TPST2: variants seen among roughly 807,000 people sequenced by gnomAD.
The protein encoded by TPST2 is tyrosylprotein sulfotransferase 2.
Under a neutral mutation model 27.8 loss-of-function variants are expected in TPST2, and 16 were observed. That is an observed-to-expected ratio of 0.58 (90% confidence interval 0.39 to 0.88). TPST2 has a LOEUF of 0.88. Ranked by LOEUF, TPST2 falls within the 40% of genes least tolerant of loss-of-function variation. The pLI is 0.00. For missense variants in TPST2, 464 were observed against 543.1 expected (o/e 0.85, Z 1.45); for synonymous variants, 229 against 231.7 (o/e 0.99, Z 0.10).
Position 26,577,390 on chromosome 22 carries a change from G to T in TPST2, c.-161+12663C>A, listed in dbSNP as rs548121273. Among the ~76,000 whole-genome samples the T allele has an allele frequency of 2.0e-4, 30 of 151,702 alleles. No homozygotes were observed. The South Asian group carries it at 5.6e-3, about 28-fold the overall frequency. ...GACAAGGTCTCGCTCTGTCGCCCAG[G>T]CTGAAGTGTAGTGGCACTATCTTGG... On this transcript the variant is annotated intron_variant, in intron 1 of 6. Transcript: ENST00000338754.
chr22:26,583,685 C>G (rs905927085), intron 1 of TPST2, among the ~76,000 whole-genome samples: 1 of 151,876 alleles, frequency 6.6e-6, no homozygotes, highest in Admixed American at 6.6e-5. Flanking sequence ...ACTAAAAATA[C>G]AAAAATTAGC....
Position 26,528,272 on chromosome 22 carries a change from G to A in TPST2, c.1093-10C>T, listed in dbSNP as rs1363334628. ...TGCTGTTCTGGTTCACCTGGAGAAA[G>A]ACAATACACAGAAGAAGGGGTCACG... On this transcript the variant is annotated splice_polypyrimidine_tract_variant and intron_variant, in intron 5 of 6. Coordinates refer to ENST00000338754, the MANE Select transcript of TPST2 (RefSeq NM_003595.5). 6.4e-6 allele frequency: 10 copies of A among 1,560,436 alleles called. No individual in the cohort carries two copies. Among genetic ancestry groups the A allele is most frequent in the Middle Eastern group, 3.3e-4 (2 of 6,030 alleles).
intron 2 of TPST2, among the ~76,000 whole-genome samples, chr22:26,543,736 G>C (rs1925979146): frequency 6.6e-6 from 1 of 152,238 alleles, no homozygotes; most frequent in Admixed American, 6.5e-5. Flanking sequence ...GGCCAGGGCA[G>C]GAATCCTGGA....
Position 26,541,798 on chromosome 22 carries a change from G to T in TPST2, c.-88-80C>A. On this transcript the variant is annotated intron_variant, in intron 2 of 6. Coordinates refer to ENST00000338754, the MANE Select transcript of TPST2 (RefSeq NM_003595.5). This position sits in a 1 kb window ranked among gnomAD's most constrained non-coding sequence, Gnocchi z 5.9. ...CCAATAACTGCAAAGCCCTATAACT[G>T]CAAACAAGAGGCTGCTGACATGAAT... 7.7e-7 allele frequency: 1 copy of T among 1,295,154 alleles called. No homozygotes were observed. The highest frequency in any genetic ancestry group is 1.0e-6 in the Non-Finnish European group (1 of 981,208). The allele number at this position is 1,295,154 out of a possible 1,614,324, so 80.2% of individuals were successfully genotyped here. A position where few individuals can be genotyped will look rare whatever the true frequency, so the allele number is the denominator to read the frequency against.
At chr22:26,577,622 T>A (rs1927906796) in intron 1 of TPST2, among the ~76,000 whole-genome samples, 1 of 150,966 alleles carries the variant, frequency 6.6e-6, no homozygotes, top group Non-Finnish European at 1.5e-5. Context: ...GTGCTGGGAT[T>A]ACAGGTGTGA....
At chr22:26,584,000 G>A (rs191722633) in intron 1 of TPST2, among the ~76,000 whole-genome samples, 1 of 152,374 alleles carries the variant, frequency 6.6e-6, no homozygotes, top group East Asian at 1.9e-4. Context: ...CTAAGGGGCA[G>A]CTTCAGGCCA....
chr22:26,556,712 C>T (rs1353157479), intron 1 of TPST2, among the ~76,000 whole-genome samples: 1 of 152,180 alleles, frequency 6.6e-6, no homozygotes, highest in Non-Finnish European at 1.5e-5. Context: ...AATTAAGAAT[C>T]GCTGCCAGCA....
intron 1 of TPST2, among the ~76,000 whole-genome samples, chr22:26,550,048 A>AAC (rs1555930619): frequency 1.3e-4 from 17 of 126,164 alleles, no homozygotes; most frequent in Non-Finnish European, 2.2e-4. Context: ...TCAAAAAAAA[A>AAC]AACAAAAAAA....
At chr22:26,532,823 TC>T (rs1925244240) in intron 4 of TPST2, 78 bp from the exon 5 acceptor site, 1 of 1,397,958 alleles carries the variant, frequency 7.2e-7, no homozygotes, top group East Asian at 2.3e-5. Flanking sequence ...ACACATCCAG[TC>T]ATCCACCCAT....
At position 26,542,145 on chromosome 22, in the gene TPST2, G is replaced by C. The variant is rs981934183; in HGVS notation, c.-88-427C>G. Among the ~76,000 whole-genome samples the C allele has an allele frequency of 2.0e-5, 3 of 151,990 alleles. No individual in the cohort carries two copies. In the East Asian group the frequency reaches 5.8e-4, roughly 29 times the overall value. Reference sequence around the variant, plus strand: ...TAGTCCCAGCTACTCGGGAGGCTGCGGCAGGAGAATGGCGTGAACCTGGGA... The same window carrying C: ...TAGTCCCAGCTACTCGGGAGGCTGCCGCAGGAGAATGGCGTGAACCTGGGA... On this transcript the variant is annotated intron_variant, in intron 2 of 6. Coordinates refer to ENST00000338754, the MANE Select transcript of TPST2 (RefSeq NM_003595.5).
chr22:26,529,001 C>CAAAA lies in TPST2; in HGVS notation c.1093-743_1093-740dup, dbSNP rs148806627. On this transcript the variant is annotated intron_variant, in intron 5 of 6. Transcript: ENST00000338754. ...GGTATCAAAAAAACAAAAACAAAAA[C>CAAAA]AAAAAAAAAACAAAACGTATCTTTT... 2.8e-3 allele frequency among the ~76,000 whole-genome samples: 406 copies of CAAAA among 147,218 alleles called. 2 individuals carry two copies. The highest frequency in any genetic ancestry group is 4.8e-3 in the Non-Finnish European group (321 of 66,458).
chr22:26,564,089 C>T (rs1927261096), intron 1 of TPST2, among the ~76,000 whole-genome samples: 1 of 152,186 alleles, frequency 6.6e-6, no homozygotes, highest in East Asian at 1.9e-4. Context: ...TTTTGCCAAG[C>T]TGACGATTCC....
At chr22:26,579,932 A>T (rs1431993098) in intron 1 of TPST2, among the ~76,000 whole-genome samples, 1 of 151,934 alleles carries the variant, frequency 6.6e-6, no homozygotes, top group Non-Finnish European at 1.5e-5. Flanking sequence ...AGGGAGAGAG[A>T]GGCAGGGAGA....
intron 3 of TPST2, among the ~76,000 whole-genome samples, chr22:26,538,540 G>A (rs1257604497): frequency 6.6e-6 from 1 of 152,268 alleles, no homozygotes; most frequent in Non-Finnish European, 1.5e-5. Context: ...TGATGCTGCA[G>A]GTCAGGCGCG....
intron 3 of TPST2, 26 bp downstream of exon 3, chr22:26,540,763 G>A (rs772130295): frequency 5.8e-6 from 9 of 1,542,774 alleles, no homozygotes; most frequent in Non-Finnish European, 7.0e-6. Flanking sequence ...CAGAGTCTGA[G>A]TGGAAGCATC....
At chr22:26,553,653 T>C (rs1555931715) in intron 1 of TPST2, among the ~76,000 whole-genome samples, 1 of 151,866 alleles carries the variant, frequency 6.6e-6, no homozygotes, top group Admixed American at 6.6e-5. Context: ...CTACTGCACC[T>C]GGCTGGCAGT....
intron 4 of TPST2, chr22:26,535,917 G>C (rs1925429671): frequency 2.7e-6 from 1 of 369,328 alleles, no homozygotes; most frequent in African/African-American, 2.1e-5. Context: ...GGGACCAATA[G>C]TTTATTTATT....
At chr22:26,538,648 C>A (rs1925620457) in intron 3 of TPST2, among the ~76,000 whole-genome samples, 1 of 152,160 alleles carries the variant, frequency 6.6e-6, no homozygotes, top group South Asian at 2.1e-4. Context: ...ATGGCAAAAC[C>A]CCATCTCTAC....
chr22:26,583,195 G>A (rs1928185823), intron 1 of TPST2, among the ~76,000 whole-genome samples: 1 of 151,820 alleles, frequency 6.6e-6, no homozygotes, highest in South Asian at 2.1e-4. Flanking sequence ...AGTACTTTGG[G>A]AGGCTGACAC....
Sources: allele counts gnomAD v4.1 joint callset (sites outside exome capture counted in the v4.1 genomes callset), GRCh38; gene constraint gnomAD v4.1.1; non-coding constraint Gnocchi (gnomAD v3.1); transcripts MANE v1.5; gene names NCBI Gene and HGNC (gene_info 2026-07-23, HGNC 2026-07-21).